Variants in ABCA4 observed in about 807,000 individuals in gnomAD.
The protein encoded by ABCA4 is retinal-specific phospholipid-transporting ATPase ABCA4.
Under a neutral mutation model 263.7 loss-of-function variants are expected in ABCA4, and 196 were observed. That is an observed-to-expected ratio of 0.74 (90% CI 0.66 to 0.84). The LOEUF is 0.84. Ranked by LOEUF, ABCA4 falls within the 40% of genes least tolerant of loss-of-function variation. The pLI is 0.00. For missense variants in ABCA4, 2,792 were observed against 2,855.1 expected (o/e 0.98, Z 0.50); for synonymous variants, 1,133 against 1,094.2 (o/e 1.04, Z -0.70).
intron 4 of ABCA4, among the ~76,000 whole-genome samples, chr1:94,107,919 T>C (rs1265827495): frequency 6.6e-6 from 1 of 151,966 alleles, no homozygotes; most frequent in African/African-American, 2.4e-5. Context: ...TTTCCCCCAG[T>C]CCATTTCCGT....
At chr1:94,061,649 C>T (rs1237400482) in intron 13 of ABCA4, among the ~76,000 whole-genome samples, 1 of 152,144 alleles carries the variant, frequency 6.6e-6, no homozygotes, top group Non-Finnish European at 1.5e-5. Context: ...TCCCTATTGC[C>T]TCCCCACACC....
chr1:94,050,919 T>G (rs575356110), intron 17 of ABCA4, among the ~76,000 whole-genome samples: 1 of 152,378 alleles, frequency 6.6e-6, no homozygotes, highest in Non-Finnish European at 1.5e-5. Context: ...GGGAGAGTAC[T>G]TCAGCTCTAG....
intron 4 of ABCA4, among the ~76,000 whole-genome samples, chr1:94,108,281 T>C (rs1228660165): frequency 6.6e-6 from 1 of 152,202 alleles, no homozygotes; most frequent in Non-Finnish European, 1.5e-5. Flanking sequence ...CTCCCCTGCT[T>C]CTAGCCCTTG....
At chr1:94,064,714 G>A (rs929284100) in intron 11 of ABCA4, among the ~76,000 whole-genome samples, 2 of 152,092 alleles carry the variant, frequency 1.3e-5, no homozygotes. Context: ...GTGAAGGGAG[G>A]TGAGTGTGAC....
intron 2 of ABCA4, among the ~76,000 whole-genome samples, chr1:94,112,074 T>C (rs1270874117): frequency 2.6e-5 from 4 of 152,136 alleles, no homozygotes; most frequent in African/African-American, 9.7e-5. Context: ...CTGAAACTCA[T>C]GAACGAGAAG....
chr1:94,005,699 A>G (rs1479433787), intron 43 of ABCA4, 117 bp from the exon 44 acceptor site: 1 of 1,022,422 alleles, frequency 9.8e-7, no homozygotes, highest in Admixed American at 2.3e-5. Context: ...CTCTTCTCCT[A>G]TTTGGCTTCA....
Position 94,011,365 on chromosome 1 carries a change from G to A in ABCA4, c.5481C>T (p.Ala1827=), listed in dbSNP as rs375744648. The change falls in exon 39 of 50, where the codon GCC becomes GCT. Residue 1827 remains alanine (A), a synonymous_variant. Coordinates refer to ENST00000370225, the MANE Select transcript of ABCA4 (RefSeq NM_000350.3). ...ENNRTLLRFN[A]VLRKLLIVFP... is the part of the protein sequence containing the mutation. Reference sequence around the variant, plus strand: ...AGACAATGAGCAGCTTCCTCAGCACGGCGTTGAACCTGAGCAGCGTCTGAA... The same window carrying A: ...AGACAATGAGCAGCTTCCTCAGCACAGCGTTGAACCTGAGCAGCGTCTGAA... 49 of 1,614,040 alleles carry A rather than the reference G, an allele frequency of 3.0e-5. No individual in the cohort carries two copies. In the South Asian group the frequency reaches 3.5e-4, roughly 12 times the overall value.
chr1:94,117,839 C>T (rs1408585995), intron 1 of ABCA4, among the ~76,000 whole-genome samples: 1 of 152,180 alleles, frequency 6.6e-6, no homozygotes, highest in Non-Finnish European at 1.5e-5. Flanking sequence ...AAGGCAGTGG[C>T]TGTGTCTAGC....
intron 6 of ABCA4, among the ~76,000 whole-genome samples, chr1:94,091,635 A>G (rs1351007644): frequency 1.3e-5 from 2 of 150,158 alleles, no homozygotes; most frequent in East Asian, 3.9e-4. Context: ...ACAATTTCCT[A>G]TGCCAAATAA....
chr1:94,008,217 G>T lies in ABCA4; in HGVS notation c.5898+18C>A. The T allele has an allele frequency of 2.5e-6, 4 of 1,613,464 alleles. No individual in the cohort carries two copies. Among genetic ancestry groups the T allele is most frequent in the Non-Finnish European group, 3.4e-6 (4 of 1,179,464 alleles). On this transcript the variant is annotated intron_variant, in intron 42 of 49. Transcript: ENST00000370225. Reference sequence around the variant, plus strand: ...TGATGTTCGGAAGCCTTTCACACGTGGTCTGCAGAGTACCCACCTCTCCAG... The same window carrying T: ...TGATGTTCGGAAGCCTTTCACACGTTGTCTGCAGAGTACCCACCTCTCCAG...
chr1:94,085,250 G>T (rs1661800156), intron 6 of ABCA4, among the ~76,000 whole-genome samples: 1 of 152,168 alleles, frequency 6.6e-6, no homozygotes, highest in African/African-American at 2.4e-5. Context: ...GGAAAAAAAG[G>T]TGGAGAACAG....
At chr1:93,993,372 T>A in intron 49 of ABCA4, 130 bp from the exon 50 acceptor site, 1 of 1,166,516 alleles carries the variant, frequency 8.6e-7, no homozygotes, top group Non-Finnish European at 1.3e-6. Flanking sequence ...ACTGTGATTC[T>A]GTCAGATCAC....
At chr1:94,043,599 G>A in intron 20 of ABCA4, 124 bp from the exon 21 acceptor site, 1 of 1,338,010 alleles carries the variant, frequency 7.5e-7, no homozygotes, top group Admixed American at 2.0e-5. Flanking sequence ...CTGTGGTGGT[G>A]TTTATGATAC....
intron 36 of ABCA4, 25 bp downstream of exon 36, chr1:94,019,557 G>T: frequency 6.3e-7 from 1 of 1,579,878 alleles, no homozygotes; most frequent in Non-Finnish European, 8.6e-7. Flanking sequence ...CGGAGGGGAG[G>T]GAGGCGCTGT....
chr1:94,037,117 C>A, intron 25 of ABCA4, 28 bp downstream of exon 25: 1 of 1,611,222 alleles, frequency 6.2e-7, no homozygotes, highest in Non-Finnish European at 8.5e-7. Flanking sequence ...TGGCACTTGA[C>A]AGAAACCAGC....
chr1:93,994,280 G>C (rs977849153), intron 49 of ABCA4, among the ~76,000 whole-genome samples: 1 of 152,204 alleles, frequency 6.6e-6, no homozygotes, highest in Non-Finnish European at 1.5e-5. Flanking sequence ...TTTAATAACA[G>C]AGTATAAGAT....
At chr1:94,105,417 T>TG (rs1044736635) in intron 4 of ABCA4, among the ~76,000 whole-genome samples, 4 of 151,904 alleles carry the variant, frequency 2.6e-5, no homozygotes, top group Non-Finnish European at 4.4e-5. Flanking sequence ...GCTGTGGCTC[T>TG]GGGGGGGAAG....
chr1:94,102,065 A>G (rs1341745045), intron 5 of ABCA4, among the ~76,000 whole-genome samples: 2 of 152,208 alleles, frequency 1.3e-5, no homozygotes, highest in Admixed American at 1.3e-4. Context: ...CTAGCCCTGT[A>G]ACTGTGCACA....
chr1:94,011,436 TC>T lies in ABCA4; in HGVS notation c.5461-52del, dbSNP rs281865392. On this transcript the variant is annotated intron_variant, in intron 38 of 49. Transcript: ENST00000370225. ...GAAACGGGGCAAACCCCACCCCCCC[TC>T]TCTTCAGCAGGTGGGGCCCAGATGC... 2.1e-4 allele frequency: 216 copies of T among 1,018,128 alleles called. No individual in the cohort carries two copies. The highest frequency in any genetic ancestry group is 2.9e-4 in the Non-Finnish European group (208 of 709,766). 63.1% of individuals were successfully genotyped at this position (1,018,128 alleles called of 1,614,324 possible).
Sources: allele counts gnomAD v4.1 joint callset (sites outside exome capture counted in the v4.1 genomes callset), GRCh38; gene constraint gnomAD v4.1.1; transcripts MANE v1.5; gene names NCBI Gene and HGNC (gene_info 2026-07-23, HGNC 2026-07-21).